The following STS variants were observed in gnomAD, a reference collection of about 807,000 sequenced individuals.
The protein encoded by STS is steroid sulfatase.
A neutral mutation model predicts 26.8 loss-of-function variants in STS; 7 were observed. That is an observed-to-expected ratio of 0.26 (90% CI 0.15 to 0.49). The LOEUF (loss-of-function observed/expected upper bound fraction) is 0.49. STS is among the 20% of genes least tolerant of loss of function. The probability of loss-of-function intolerance (pLI) is 0.98; values close to 1 mark genes in which losing one functional copy is unlikely to be tolerated. For synonymous variants in STS, 199 were observed against 189.4 expected, an observed-to-expected ratio of 1.05 and a Z score of -0.42; for missense variants, 434 against 465.6, an observed-to-expected ratio of 0.93 and a Z score of 0.63.
Position 7,350,192 on chromosome X carries a change from G to A in STS, c.1668G>A (p.Leu556=). Reference sequence around the variant, plus strand: ...TTCTTTGGAAGCCCTGGCTTCAGCTGTGCTGTCCTTCCACCGGCCTGTCTT... The same window carrying A: ...TTCTTTGGAAGCCCTGGCTTCAGCTATGCTGTCCTTCCACCGGCCTGTCTT... ...NNFLWKPWLQ[L]CCPSTGLSCQ... Residue 556 remains leucine, a synonymous_variant, in exon 11 of 11, where the codon CTG becomes CTA. Transcript: ENST00000674429. The A allele has an allele frequency of 8.3e-7, 1 of 1,211,919 alleles. No individual in the cohort carries two copies. Among genetic ancestry groups the A allele is most frequent in the Non-Finnish European group, 1.1e-6 (1 of 895,425 alleles).
At chrX:7,170,767 G>A (rs1437521851) in intron 1 of STS, among the ~76,000 whole-genome samples, 1 of 110,925 alleles carries the variant, frequency 9.0e-6, no homozygotes, top group Non-Finnish European at 1.9e-5. Flanking sequence ...TTATACGTGT[G>A]AGCCACTGTA....
chrX:7,259,835 A>C (rs1923647682), intron 6 of STS, 63 bp downstream of exon 6: 1 of 1,153,205 alleles, frequency 8.7e-7, no homozygotes, highest in East Asian at 3.0e-5. Flanking sequence ...TTTCTCGTGG[A>C]GGTGGAAGAA....
chrX:7,149,512 A>G (rs1269548200), intron 1 of STS, among the ~76,000 whole-genome samples: 1 of 112,042 alleles, frequency 8.9e-6, no homozygotes, highest in Non-Finnish European at 1.9e-5. Context: ...TGCAATCGTG[A>G]TTTCCCTTTG....
At chrX:7,242,297 TTAA>T (rs1376680063) in intron 2 of STS, among the ~76,000 whole-genome samples, 12 of 110,842 alleles carry the variant, frequency 1.1e-4, no homozygotes, top group African/African-American at 2.3e-4. Context: ...AGTTGTAATT[TTAA>T]TAATAACTTT....
chrX:7,290,406 T>C (rs1411179653), intron 7 of STS, among the ~76,000 whole-genome samples: 2 of 112,109 alleles, frequency 1.8e-5, no homozygotes, highest in African/African-American at 3.2e-5. Flanking sequence ...CTTCTCTCAC[T>C]ATATACTTAC....
At position 7,353,381 on chromosome X, in the gene STS, G is replaced by A. The variant is rs750219691; in HGVS notation, c.*3120G>A. On this transcript the variant is annotated 3_prime_UTR_variant, in exon 11 of 11. Transcript: ENST00000674429. ...AGAAGAAAAGGAAATGAACATTGGG[G>A]ATTGAAAATCATATTGGTATTTGCA... is the stretch of plus-strand genomic sequence containing the variant. The A allele has an allele frequency of 1.2e-4, 13 of 111,095 alleles. No individual in the cohort carries two copies. In the East Asian group the frequency reaches 3.6e-3, roughly 31 times the overall value. The allele number at this position is 111,095 out of a possible 1,213,427, so 9.2% of individuals were successfully genotyped here. A position where few individuals can be genotyped will look rare whatever the true frequency, so the allele number is the denominator to read the frequency against.
intron 2 of STS, among the ~76,000 whole-genome samples, chrX:7,205,914 T>G (rs748379803): frequency 9.1e-6 from 1 of 110,435 alleles, no homozygotes; most frequent in African/African-American, 3.3e-5. Flanking sequence ...CCACTCTCGG[T>G]GGAAATCATT....
intron 2 of STS, among the ~76,000 whole-genome samples, chrX:7,250,687 A>C (rs1393301557): frequency 8.9e-6 from 1 of 112,479 alleles, no homozygotes; most frequent in Non-Finnish European, 1.9e-5. Flanking sequence ...TACATTCATG[A>C]TATCTGTTTG....
intron 2 of STS, among the ~76,000 whole-genome samples, chrX:7,212,670 G>A (rs1056548459): frequency 4.5e-5 from 5 of 111,542 alleles, no homozygotes; most frequent in Admixed American, 1.9e-4. Flanking sequence ...ACCAGAATAC[G>A]TAGTTATTTA....
At position 7,354,523 on chromosome X, in the gene STS, A is replaced by G; in HGVS notation, c.*4262A>G. On this transcript the variant is annotated 3_prime_UTR_variant, in exon 11 of 11. Coordinates refer to ENST00000674429, the MANE Select transcript of STS (RefSeq NM_001320752.2). Reference sequence around the variant, plus strand: ...AGCTCAGCTTTCTGAGGCCCTGAGCATTCTTGGTTTTCCGACATCGTGAAC... The same window carrying G: ...AGCTCAGCTTTCTGAGGCCCTGAGCGTTCTTGGTTTTCCGACATCGTGAAC... 8.9e-6 allele frequency: 1 copy of G among 112,217 alleles called. No individual in the cohort carries two copies. Among genetic ancestry groups the G allele is most frequent in the East Asian group, 2.8e-4 (1 of 3,579 alleles). The allele number at this position is 112,217 out of a possible 1,213,427, so 9.2% of individuals were successfully genotyped here. A position where few individuals can be genotyped will look rare whatever the true frequency, so the allele number is the denominator to read the frequency against.
At chrX:7,288,545 A>G (rs751138511) in intron 7 of STS, among the ~76,000 whole-genome samples, 1 of 110,742 alleles carries the variant, frequency 9.0e-6, no homozygotes, top group East Asian at 2.9e-4. Context: ...TACTCAACCT[A>G]TATGTATACA....
chrX:7,272,824 A>G (rs1345210224), intron 6 of STS, among the ~76,000 whole-genome samples: 1 of 111,553 alleles, frequency 9.0e-6, no homozygotes, highest in Admixed American at 9.5e-5. Context: ...GTCGTGGAAC[A>G]CATACTTTAT....
chrX:7,350,598 A>C lies in STS; in HGVS notation c.*337A>C. 1 of 273,176 alleles carries C rather than the reference A, an allele frequency of 3.7e-6. No individual in the cohort carries two copies. The highest frequency in any genetic ancestry group is 6.7e-5 in the East Asian group (1 of 14,830). 22.5% of individuals were successfully genotyped at this position (273,176 alleles called of 1,213,427 possible). ...AAGGTGCAGAAGGCAATCTTAAAAC[A>C]GAAAGGTGCAGGAGGTACCTTAACT... On this transcript the variant is annotated 3_prime_UTR_variant, in exon 11 of 11. Transcript: ENST00000674429.
At chrX:7,220,189 G>C (rs1921486737) in intron 2 of STS, among the ~76,000 whole-genome samples, 1 of 111,311 alleles carries the variant, frequency 9.0e-6, no homozygotes, top group Non-Finnish European at 1.9e-5. Context: ...TTTGTCTATG[G>C]GCTGTCGGAA....
At chrX:7,294,635 A>G (rs1255322567) in intron 7 of STS, among the ~76,000 whole-genome samples, 7 of 111,977 alleles carry the variant, frequency 6.3e-5, no homozygotes, top group African/African-American at 2.3e-4. Context: ...AATCCCTACA[A>G]CTATGCTACA....
intron 2 of STS, among the ~76,000 whole-genome samples, chrX:7,225,594 G>T (rs1352813077): frequency 9.0e-6 from 1 of 111,252 alleles, no homozygotes; most frequent in Non-Finnish European, 1.9e-5. Flanking sequence ...CCTTTGCCTA[G>T]TACTACCAAA....
chrX:7,335,379 T>C (rs1927966899), intron 10 of STS, among the ~76,000 whole-genome samples: 2 of 112,559 alleles, frequency 1.8e-5, no homozygotes, highest in African/African-American at 6.5e-5. Flanking sequence ...CATTTTTTTA[T>C]GTGTCTGTTG....
chrX:7,198,616 C>T (rs1474868465), intron 2 of STS, among the ~76,000 whole-genome samples: 2 of 112,100 alleles, frequency 1.8e-5, no homozygotes, highest in Non-Finnish European at 3.8e-5. Flanking sequence ...CATGTTAACA[C>T]TGTAAATTCC....
At chrX:7,197,722 A>G (rs767234028) in intron 2 of STS, among the ~76,000 whole-genome samples, 1 of 111,615 alleles carries the variant, frequency 9.0e-6, no homozygotes, top group Non-Finnish European at 1.9e-5. Context: ...AACATTATCA[A>G]TCTGTTCCCT....
Sources: gnomAD v4.1 joint callset for allele counts (sites outside exome capture counted in the v4.1 genomes callset) on GRCh38, gnomAD v4.1.1 for gene constraint, MANE v1.5 for transcripts, NCBI Gene and HGNC (gene_info 2026-07-23, HGNC 2026-07-21) for gene names.